ZNF800: variants seen among roughly 807,000 people sequenced by gnomAD.
ZNF800 encodes the protein zinc finger protein 800.
ZNF800 carries 13 observed loss-of-function variants against 59.5 expected under a neutral mutation model. The observed-to-expected ratio is 0.22, with a 90% confidence interval of 0.14 to 0.35. The LOEUF (loss-of-function observed/expected upper bound fraction) is 0.35. Ranked by LOEUF, ZNF800 falls within the 10% of genes least tolerant of loss-of-function variation. The pLI, the probability that ZNF800 is intolerant of heterozygous loss-of-function variation, is 1.00. For missense variants in ZNF800, 621 were observed against 783.7 expected, an observed-to-expected ratio of 0.79 and a Z score of 2.48; for synonymous variants, 266 against 265.7, an observed-to-expected ratio of 1.00 and a Z score of -0.01.
rs1587435372 is a variant in ZNF800 at position 127,370,517 on chromosome 7, C to G, written c.*1297G>C. 6.6e-6 allele frequency: 1 copy of G among 152,498 alleles called. No individual in the cohort carries two copies. The allele number at this position is 152,498 out of a possible 1,614,324, so 9.4% of individuals were successfully genotyped here. ...AAGCACTGGGAAGGTAAATGTTTTT[C>G]TAGCTATAGAATCATTTTATTAAGA... is the stretch of plus-strand genomic sequence containing the variant. On this transcript the variant is annotated 3_prime_UTR_variant, in exon 6 of 6. Transcript: ENST00000265827.
chr7:127,365,924 A>G (rs568826361), downstream of ZNF800, among the ~76,000 whole-genome samples: 33 of 152,290 alleles, frequency 2.2e-4, no homozygotes, highest in African/African-American at 7.9e-4. Flanking sequence ...TCACTACGAC[A>G]GTAATAATAT....
At chr7:127,378,237 C>T (rs181164755) in intron 3 of ZNF800, among the ~76,000 whole-genome samples, 1 of 152,000 alleles carries the variant, frequency 6.6e-6, no homozygotes, top group East Asian at 1.9e-4. Context: ...TATCTTTAGG[C>T]AGAGAAAAAA....
chr7:127,354,934 TTCTG>T lies in ZNF800; in HGVS notation n.225-6895_225-6892del, dbSNP rs774291391. ...AGCCTTAATTTGCAATGACTTACTC[TTCTG>T]TCTTTTTATTCTGTATTGAAAGTAA... On this transcript the variant is annotated intron_variant and non_coding_transcript_variant, in intron 1 of 1. Coordinates refer to the ZNF800 transcript ENST00000485577. Among the ~76,000 whole-genome samples the T allele has an allele frequency of 4.5e-4, 69 of 152,260 alleles. 1 individual carries two copies. Among genetic ancestry groups the T allele is most frequent in the East Asian group, 3.1e-3 (16 of 5,184 alleles).
downstream of ZNF800, among the ~76,000 whole-genome samples, chr7:127,345,300 C>CA (rs1184963513): frequency 6.6e-6 from 1 of 151,678 alleles, no homozygotes; most frequent in South Asian, 2.1e-4. Context: ...AATAGACCCC[C>CA]CCCCCAAAGG....
At position 127,391,570 on chromosome 7, in the gene ZNF800, C is replaced by T. The variant is rs1190441396; in HGVS notation, c.-13G>A. The T allele has an allele frequency of 1.2e-6, 2 of 1,613,600 alleles. No homozygotes were observed. Among genetic ancestry groups the T allele is most frequent in the Non-Finnish European group, 8.5e-7 (1 of 1,179,680 alleles). ...CCCTTAAAGGCATTTTCAGTGGACT[C>T]GACCTACTTTGCTTTCACTGTAAGA... On this transcript the variant is annotated 5_prime_UTR_variant, in exon 2 of 6. Coordinates refer to ENST00000265827, the MANE Select transcript of ZNF800 (RefSeq NM_176814.5).
At chr7:127,354,038 T>A (rs1800222096) in intron 1 of ZNF800, among the ~76,000 whole-genome samples, 1 of 152,148 alleles carries the variant, frequency 6.6e-6, no homozygotes, top group Admixed American at 6.5e-5. Context: ...GTTTGACATT[T>A]TAACATCATT....
chr7:127,367,366 C>T (rs17864204), downstream of ZNF800, among the ~76,000 whole-genome samples: 5,003 of 152,180 alleles, frequency 0.033, 99 homozygotes, highest in Non-Finnish European at 0.05. Flanking sequence ...TGCATTTACA[C>T]GCCAATTAGA....
chr7:127,392,182 C>T lies in ZNF800; in HGVS notation c.-181G>A. ...CCTGGCGCAGCCTCCGCTGACCACG[C>T]GGGGGAACCCGGACTCGGGCCCGAC... is the stretch of plus-strand genomic sequence containing the variant. On this transcript the variant is annotated 5_prime_UTR_variant, in exon 1 of 6. Coordinates refer to ENST00000265827, the MANE Select transcript of ZNF800 (RefSeq NM_176814.5). The T allele has an allele frequency of 2.5e-6, 1 of 394,532 alleles. No individual in the cohort carries two copies. The highest frequency in any genetic ancestry group is 4.4e-5 in the Admixed American group (1 of 22,564). The allele number at this position is 394,532 out of a possible 1,614,324, so 24.4% of individuals were successfully genotyped here.
chr7:127,356,124 C>A (rs568152532), intron 1 of ZNF800, among the ~76,000 whole-genome samples: 181 of 151,866 alleles, frequency 1.2e-3, no homozygotes, highest in African/African-American at 3.8e-3. Flanking sequence ...ACAAAAAAAA[C>A]CAAAAGAACA....
downstream of ZNF800, among the ~76,000 whole-genome samples, chr7:127,367,496 G>C (rs1331649583): frequency 1.3e-5 from 2 of 152,088 alleles, no homozygotes; most frequent in South Asian, 2.1e-4. Flanking sequence ...ACTTCATAGA[G>C]TTGTTGGTAG....
At position 127,370,480 on chromosome 7, in the gene ZNF800, T is replaced by C. The variant is rs1026338033; in HGVS notation, c.*1334A>G. On this transcript the variant is annotated 3_prime_UTR_variant, in exon 6 of 6. Transcript: ENST00000265827. ...GTCTTTCTAGTTTCCTTTCACAGTA[T>C]ATTTTAGTGCAAAGCACTGGGAAGG... is the stretch of plus-strand genomic sequence containing the variant. The C allele has an allele frequency of 6.6e-6, 1 of 152,606 alleles. No individual in the cohort carries two copies. Among genetic ancestry groups the C allele is most frequent in the African/African-American group, 2.4e-5 (1 of 41,458 alleles). The allele number at this position is 152,606 out of a possible 1,614,324, so 9.5% of individuals were successfully genotyped here.
At chr7:127,354,838 A>G (rs1036296407) in intron 1 of ZNF800, among the ~76,000 whole-genome samples, 2 of 152,134 alleles carry the variant, frequency 1.3e-5, no homozygotes, top group African/African-American at 4.8e-5. Context: ...TTCTCCATGT[A>G]CAACTCAACA....
At chr7:127,388,320 C>T (rs997803096) in intron 2 of ZNF800, among the ~76,000 whole-genome samples, 5 of 152,102 alleles carry the variant, frequency 3.3e-5, no homozygotes, top group East Asian at 1.9e-4. Context: ...AAACCTCTTA[C>T]GAAAACAGAA....
intron 5 of ZNF800, among the ~76,000 whole-genome samples, chr7:127,372,089 A>G (rs1800645854): frequency 6.6e-6 from 1 of 152,214 alleles, no homozygotes; most frequent in Non-Finnish European, 1.5e-5. Context: ...GTGAACTTTT[A>G]AAATATATAT....
chr7:127,379,755 C>T (rs1426706753), intron 3 of ZNF800, among the ~76,000 whole-genome samples: 1 of 151,004 alleles, frequency 6.6e-6, no homozygotes, highest in Non-Finnish European at 1.5e-5. Context: ...TCTCAATAAA[C>T]ATCCAAAAAA....
rs138096419 is a variant in ZNF800 at position 127,388,819 on chromosome 7, A to G, written c.62-2664T>C. Among the ~76,000 whole-genome samples, 246 of 152,330 alleles carry G rather than the reference A, an allele frequency of 1.6e-3. 1 individual carries two copies. Among genetic ancestry groups the G allele is most frequent in the African/African-American group, 5.6e-3 (232 of 41,580 alleles). On this transcript the variant is annotated intron_variant, in intron 2 of 5. Transcript: ENST00000265827. ...AACCACTTGGTATACACATCTGTGT[A>G]GCTCCCACTCTAAAGAAACAATTCT...
At chr7:127,369,938 C>G (rs962795828), downstream of ZNF800, 1 of 152,050 alleles carries the variant, frequency 6.6e-6, no homozygotes, top group African/African-American at 2.4e-5. Context: ...CAACCCCTAG[C>G]TTTTTAGGAA....
intron 5 of ZNF800, chr7:127,372,816 G>A (rs1800669575): frequency 1.1e-5 from 11 of 985,148 alleles, no homozygotes; most frequent in Non-Finnish European, 1.3e-5. Context: ...TCAATTCGGG[G>A]ATTTTTTTTT....
At chr7:127,384,252 T>TTTTTTTTTTTTTG (rs1562909676) in intron 3 of ZNF800, among the ~76,000 whole-genome samples, 1 of 134,766 alleles carries the variant, frequency 7.4e-6, no homozygotes, top group Admixed American at 7.7e-5. Flanking sequence ...TTTTTTTTTT[T>TTTTTTTTTTTTTG]AGACAGAGTC....
Sources: gnomAD v4.1 joint callset for allele counts (sites outside exome capture counted in the v4.1 genomes callset) on GRCh38, gnomAD v4.1.1 for gene constraint, MANE v1.5 for transcripts, NCBI Gene and HGNC (gene_info 2026-07-23, HGNC 2026-07-21) for gene names.